CWF19L2: variants seen among roughly 807,000 people sequenced by gnomAD.
The protein encoded by CWF19L2 is CWF19-like protein 2.
A neutral mutation model predicts 111.7 loss-of-function variants in CWF19L2; 98 were observed. The observed-to-expected ratio is 0.88, with a 90% CI of 0.75 to 1.04. The LOEUF (loss-of-function observed/expected upper bound fraction) is 1.04, where lower values mean the gene tolerates loss of function less well. Among genes scored for constraint, CWF19L2 ranks in the 50% least tolerant of loss-of-function variants. The probability of loss-of-function intolerance (pLI) is 0.00; values close to 1 mark genes in which losing one functional copy is unlikely to be tolerated. For synonymous variants in CWF19L2, 351 were observed against 342.9 expected (o/e 1.02, Z -0.26); for missense variants, 1,101 against 1,051.4 (o/e 1.05, Z -0.65).
chr11:107,429,298 T>C lies in CWF19L2; in HGVS notation c.934A>G (p.Asn312Asp). 2.5e-6 allele frequency: 4 copies of C among 1,612,690 alleles called. No individual in the cohort carries two copies. Among genetic ancestry groups the C allele is most frequent in the Non-Finnish European group, 3.4e-6 (4 of 1,179,286 alleles). The change falls in exon 8 of 18, where the codon AAC becomes GAC. Residue 312 changes from asparagine (N) to aspartate (D), a missense_variant. Coordinates refer to ENST00000282251, the MANE Select transcript of CWF19L2 (RefSeq NM_152434.3). ...SRESDLVKYG[N>D]SSRDRYATTD... The stretch of plus-strand genomic sequence containing the variant: ...GTAGCATATCTATCCCTTGAACTGT[T>C]ACCATATTTTACTAAGTCTGATTCT...
chr11:107,412,339 T>C (rs1861168564), intron 10 of CWF19L2, among the ~76,000 whole-genome samples: 1 of 152,160 alleles, frequency 6.6e-6, no homozygotes, highest in Non-Finnish European at 1.5e-5. Context: ...ATAGGAGTTT[T>C]TTGGGTTTTT....
In CWF19L2 at chr11:107,346,245, T is replaced by G. The variant is rs1013403413; in HGVS notation, c.2202+2692A>C. Reference sequence around the variant, plus strand: ...GTAGTCGTTTTTAAAATATAACATGTTTAAATATAAAGTTATCAAGTTATC... The same window carrying G: ...GTAGTCGTTTTTAAAATATAACATGGTTAAATATAAAGTTATCAAGTTATC... On this transcript the variant is annotated intron_variant, in intron 14 of 17. Coordinates refer to ENST00000282251, the MANE Select transcript of CWF19L2 (RefSeq NM_152434.3). Among the ~76,000 whole-genome samples the G allele has an allele frequency of 2.0e-5, 3 of 152,172 alleles. No individual in the cohort carries two copies. In the South Asian group the frequency reaches 6.2e-4, roughly 32 times the overall value.
intron 10 of CWF19L2, among the ~76,000 whole-genome samples, chr11:107,397,422 A>C (rs1300847541): frequency 1.3e-5 from 2 of 151,934 alleles, no homozygotes; most frequent in Non-Finnish European, 2.9e-5. Flanking sequence ...AACCTGCATG[A>C]CTCAGCAGAG....
chr11:107,392,064 T>C (rs900164965), intron 11 of CWF19L2, among the ~76,000 whole-genome samples: 1 of 152,010 alleles, frequency 6.6e-6, no homozygotes, highest in Non-Finnish European at 1.5e-5. Flanking sequence ...AACCACCAAA[T>C]TCCTCCCATT....
chr11:107,417,788 G>T (rs1023934296), intron 9 of CWF19L2, among the ~76,000 whole-genome samples: 2 of 148,544 alleles, frequency 1.3e-5, no homozygotes, highest in African/African-American at 5.0e-5. Context: ...ACACAGTCTC[G>T]CTTCGTCACC....
At chr11:107,387,461 ACAAAAC>A (rs770715089) in intron 12 of CWF19L2, among the ~76,000 whole-genome samples, 4 of 91,484 alleles carry the variant, frequency 4.4e-5, no homozygotes, top group Middle Eastern at 5.0e-3. Flanking sequence ...ACAAAACAAA[ACAAAAC>A]AAAAAACAAA....
intron 10 of CWF19L2, among the ~76,000 whole-genome samples, chr11:107,397,811 G>C (rs918848013): frequency 6.6e-6 from 1 of 151,966 alleles, no homozygotes; most frequent in Middle Eastern, 3.2e-3. Flanking sequence ...GGTATCCATA[G>C]CTGAGAGACC....
rs138564067 is a variant in CWF19L2 at position 107,326,974 on chromosome 11, T to C, written c.2621A>G (p.Lys874Arg). The change falls in exon 18 of 18, where the codon AAA (lysine) becomes AGA (arginine). Residue 874 changes from lysine (K) to arginine (R), a missense_variant. Physicochemically the swap from Lys to Arg is conservative, Grantham distance 26. Transcript: ENST00000282251. Reference sequence around the variant, plus strand: ...CCACTGAGCAAACTGCAGTGCTTTTTTCCTCTGATCCTCAAAGCTTTCTCG... The same window carrying C: ...CCACTGAGCAAACTGCAGTGCTTTTCTCCTCTGATCCTCAAAGCTTTCTCG... ...GIRESFEDQR[K>R]KALQFAQWWK... The C allele has an allele frequency of 1.6e-4, 259 of 1,612,214 alleles. 1 individual carries two copies. Among genetic ancestry groups the C allele is most frequent in the Non-Finnish European group, 2.1e-4 (245 of 1,179,084 alleles).
rs2134572581 is a variant in CWF19L2 at position 107,372,774 on chromosome 11, A to T, written c.1872+17300T>A. On this transcript the variant is annotated intron_variant, in intron 12 of 17. Transcript: ENST00000282251. Reference sequence around the variant, plus strand: ...AAAGATAGCGGGTTGAGGAGCCAAGATGGCCAAATAGGAACTGCTCCGGTC... The same window carrying T: ...AAAGATAGCGGGTTGAGGAGCCAAGTTGGCCAAATAGGAACTGCTCCGGTC... 1.5e-5 allele frequency among the ~76,000 whole-genome samples: 2 copies of T among 132,994 alleles called. 1 individual carries two copies. The highest frequency in any genetic ancestry group is 5.1e-4 in the South Asian group (2 of 3,926). 87.2% of individuals were successfully genotyped at this position (132,994 alleles called of 152,430 possible).
In CWF19L2 at chr11:107,442,995, T is replaced by C. The variant is rs1861653680; in HGVS notation, c.394A>G (p.Lys132Glu). The C allele has an allele frequency of 6.4e-7, 1 of 1,551,824 alleles. No homozygotes were observed. Among genetic ancestry groups the C allele is most frequent in the African/African-American group, 1.4e-5 (1 of 73,036 alleles). The part of the protein sequence containing the change: ...AVPSQTPDKE[K>E]AWKVKDEKSG... ...TTTTCATCTTTCACTTTCCAGGCTTTTTCCTTGTCAGGAGTCTGGGATGGA... is the reference window on the plus strand; with the variant it reads ...TTTTCATCTTTCACTTTCCAGGCTTCTTCCTTGTCAGGAGTCTGGGATGGA... Residue 132 changes from lysine to glutamate, a missense_variant, in exon 4 of 18, where the codon AAA becomes GAA. Lys to Glu is a moderately conservative substitution (Grantham distance 56). Coordinates refer to ENST00000282251, the MANE Select transcript of CWF19L2 (RefSeq NM_152434.3).
intron 10 of CWF19L2, among the ~76,000 whole-genome samples, chr11:107,401,183 C>A (rs1354396700): frequency 6.6e-6 from 1 of 152,122 alleles, no homozygotes; most frequent in Non-Finnish European, 1.5e-5. Context: ...TCTCACCACT[C>A]CTCTTCAACA....
intron 5 of CWF19L2, among the ~76,000 whole-genome samples, chr11:107,439,831 G>C (rs1001983096): frequency 6.6e-6 from 1 of 152,202 alleles, no homozygotes; most frequent in Non-Finnish European, 1.5e-5. Context: ...ACTGCTATGA[G>C]GGTTTCATGC....
At chr11:107,361,424 A>C (rs890768676) in intron 12 of CWF19L2, among the ~76,000 whole-genome samples, 2 of 151,312 alleles carry the variant, frequency 1.3e-5, no homozygotes, top group Non-Finnish European at 2.9e-5. Flanking sequence ...GGTTTTTTTT[A>C]TTGTTTTTGC....
chr11:107,390,652 T>A (rs1384431501), intron 11 of CWF19L2, among the ~76,000 whole-genome samples: 1 of 152,156 alleles, frequency 6.6e-6, no homozygotes, highest in African/African-American at 2.4e-5. Flanking sequence ...TGCCCCAAAA[T>A]TCACATGTTG....
intron 14 of CWF19L2, among the ~76,000 whole-genome samples, chr11:107,346,487 G>C (rs931563314): frequency 1.3e-5 from 2 of 152,162 alleles, no homozygotes; most frequent in African/African-American, 4.8e-5. Context: ...AAGAAGGTTA[G>C]CAGGGATAGC....
intron 12 of CWF19L2, among the ~76,000 whole-genome samples, chr11:107,378,846 A>C (rs1217032623): frequency 2.9e-5 from 4 of 139,268 alleles, no homozygotes; most frequent in East Asian, 4.2e-4. Flanking sequence ...ATATTGTAAC[A>C]AAAAAAAAGA....
chr11:107,402,359 T>G (rs892621652), intron 10 of CWF19L2, among the ~76,000 whole-genome samples: 1 of 149,218 alleles, frequency 6.7e-6, no homozygotes, highest in Non-Finnish European at 1.5e-5. Flanking sequence ...ATCCAGAATC[T>G]ACAACGAACT....
At chr11:107,442,737 AG>A (rs1366583835) in intron 4 of CWF19L2, among the ~76,000 whole-genome samples, 11 of 24,488 alleles carry the variant, frequency 4.5e-4, no homozygotes, top group Admixed American at 2.3e-3. Flanking sequence ...AAAGAAAGAA[AG>A]GAAGGAAGGA....
At chr11:107,431,421 A>G (rs1861464119) in intron 7 of CWF19L2, among the ~76,000 whole-genome samples, 1 of 152,018 alleles carries the variant, frequency 6.6e-6, no homozygotes, top group Non-Finnish European at 1.5e-5. Context: ...AATACTGAAG[A>G]GCATAAATAA....
Sources: gnomAD v4.1 joint callset for allele counts (sites outside exome capture counted in the v4.1 genomes callset) on GRCh38, gnomAD v4.1.1 for gene constraint, MANE v1.5 for transcripts, NCBI Gene and HGNC (gene_info 2026-07-23, HGNC 2026-07-21) for gene names.